Variants in TMEM128 observed in about 807,000 individuals in gnomAD.
The protein encoded by TMEM128 is transmembrane protein 128.
A neutral mutation model predicts 19.7 loss-of-function variants in TMEM128; 16 were observed. That is an observed-to-expected ratio of 0.81 (90% confidence interval 0.55 to 1.23). The LOEUF is 1.23. TMEM128 is among the 50% of genes most tolerant of loss of function. TMEM128 has a pLI of 0.00. For synonymous variants in TMEM128, 98 were observed against 75.8 expected, an observed-to-expected ratio of 1.29 and a Z score of -1.52; for missense variants, 237 against 200.8, an observed-to-expected ratio of 1.18 and a Z score of -1.09.
intron 2 of TMEM128, among the ~76,000 whole-genome samples, chr4:4,241,403 G>A (rs1364329069): frequency 6.6e-6 from 1 of 152,150 alleles, no homozygotes; most frequent in Non-Finnish European, 1.5e-5. Context: ...GAGGCAACCT[G>A]GACAACCCCT....
intron 2 of TMEM128, among the ~76,000 whole-genome samples, chr4:4,241,038 T>C (rs571169274): frequency 3.9e-5 from 6 of 152,232 alleles, no homozygotes; most frequent in East Asian, 1.9e-4. Flanking sequence ...GATGGCGCCA[T>C]TGCACTCCAG....
chr4:4,244,797 A>G (rs1239269982), intron 2 of TMEM128, among the ~76,000 whole-genome samples: 3 of 152,178 alleles, frequency 2.0e-5, no homozygotes, highest in Non-Finnish European at 2.9e-5. Context: ...CAGCAGAAGA[A>G]GGTGCTGAGC....
At chr4:4,247,218 G>C (rs917896973) in intron 1 of TMEM128, among the ~76,000 whole-genome samples, 13 of 152,132 alleles carry the variant, frequency 8.5e-5, no homozygotes, top group African/African-American at 3.1e-4. Context: ...ATGGGGGTTG[G>C]GTCAGATGGA....
At chr4:4,241,003 G>C (rs1053311746) in intron 2 of TMEM128, among the ~76,000 whole-genome samples, 3 of 152,236 alleles carry the variant, frequency 2.0e-5, no homozygotes, top group Admixed American at 6.5e-5. Flanking sequence ...CCTGAACCCA[G>C]GAGGCAGAGA....
At position 4,240,379 on chromosome 4, in the gene TMEM128, C is replaced by T. The variant is rs956816937; in HGVS notation, c.340G>A (p.Val114Ile). 12 of 1,613,994 alleles carry T rather than the reference C, an allele frequency of 7.4e-6. No homozygotes were observed. The highest frequency in any genetic ancestry group is 1.3e-5 in the African/African-American group (1 of 74,908). The change falls in exon 3 of 5, where the codon GTC becomes ATC. Residue 114 changes from valine (V) to isoleucine (I), a missense_variant. Val to Ile is a conservative substitution (Grantham distance 29). Transcript: ENST00000382753. The part of the protein sequence containing the change: ...EWYCGIGEYD[V>I]KYPALIPITT... ...ATGGGTATCAAGGCTGGATACTTGA[C>T]ATCATATTCTCCAATTCCACAATAC...
chr4:4,243,644 C>A (rs992122730), intron 2 of TMEM128, among the ~76,000 whole-genome samples: 1 of 152,176 alleles, frequency 6.6e-6, no homozygotes, highest in Non-Finnish European at 1.5e-5. Context: ...ACTCAAAATC[C>A]TCAGCCTTTG....
intron 2 of TMEM128, among the ~76,000 whole-genome samples, chr4:4,241,072 G>GTTTTT (rs1433212284): frequency 6.6e-6 from 1 of 152,158 alleles, no homozygotes; most frequent in Admixed American, 6.5e-5. Context: ...GGCAACAAGA[G>GTTTTT]TGAAACTCTG....
At chr4:4,241,433 C>T (rs1351043157) in intron 2 of TMEM128, among the ~76,000 whole-genome samples, 1 of 152,198 alleles carries the variant, frequency 6.6e-6, no homozygotes, top group African/African-American at 2.4e-5. Flanking sequence ...CCCAGCTGGA[C>T]TTGGGGACTG....
intron 3 of TMEM128, among the ~76,000 whole-genome samples, chr4:4,239,470 C>A (rs1162120244): frequency 1.3e-5 from 2 of 152,188 alleles, no homozygotes; most frequent in Non-Finnish European, 2.9e-5. Context: ...CTTTGGAAAG[C>A]AGTTTGGCAT....
At chr4:4,243,220 C>T (rs560310369) in intron 2 of TMEM128, among the ~76,000 whole-genome samples, 3 of 152,310 alleles carry the variant, frequency 2.0e-5, no homozygotes, top group Non-Finnish European at 4.4e-5. Flanking sequence ...GCTGGGACTA[C>T]AGGCGCCCGC....
Position 4,247,128 on chromosome 4 carries a change from A to C in TMEM128, c.98-785T>G, listed in dbSNP as rs371855067. 3.9e-5 allele frequency among the ~76,000 whole-genome samples: 6 copies of C among 152,352 alleles called. No individual in the cohort carries two copies. The East Asian group carries it at 7.7e-4, about 20-fold the overall frequency. On this transcript the variant is annotated intron_variant, in intron 1 of 4. Coordinates refer to ENST00000382753, the MANE Select transcript of TMEM128 (RefSeq NM_001297551.2). ...AGTGGAAACGGCACACCAGAGCTCT[A>C]GTTCCAGCACAGCACTGTCTAGACA...
At chr4:4,236,845 C>G (rs1303923273) in intron 4 of TMEM128, among the ~76,000 whole-genome samples, 4 of 152,180 alleles carry the variant, frequency 2.6e-5, no homozygotes, top group African/African-American at 9.7e-5. Context: ...AGCGTATTAA[C>G]TTTTATTTCC....
intron 3 of TMEM128, among the ~76,000 whole-genome samples, chr4:4,238,170 G>A (rs1414855701): frequency 6.6e-6 from 1 of 152,150 alleles, no homozygotes; most frequent in East Asian, 1.9e-4. Flanking sequence ...ACCACTAAAG[G>A]TCTCCTAATA....
chr4:4,242,636 A>C (rs6842708), intron 2 of TMEM128, among the ~76,000 whole-genome samples: 43,466 of 151,654 alleles, frequency 0.29, 7,458 homozygotes, highest in Non-Finnish European at 0.38. Flanking sequence ...CTCCTGCCTC[A>C]GCCTCCTGAG....
At chr4:4,240,277 A>T in intron 3 of TMEM128, 44 bp downstream of exon 3, 1 of 1,598,968 alleles carries the variant, frequency 6.3e-7, no homozygotes, top group Non-Finnish European at 8.5e-7. Context: ...ATCAAAAAAA[A>T]AATTTGTTGT....
At position 4,235,921 on chromosome 4, in the gene TMEM128, T is replaced by C. The variant is rs1346854378; in HGVS notation, c.*345A>G. 2.0e-5 allele frequency: 3 copies of C among 152,572 alleles called. No homozygotes were observed. The highest frequency in any genetic ancestry group is 4.1e-4 in the South Asian group (2 of 4,832). The allele number at this position is 152,572 out of a possible 1,614,324, so 9.5% of individuals were successfully genotyped here. ...ACTCAAACAGATTAACATTGCAAAA[T>C]AGTACTTCTGTATCACTGACTTCTG... On this transcript the variant is annotated 3_prime_UTR_variant, in exon 5 of 5. Transcript: ENST00000382753.
chr4:4,244,299 GA>G (rs915965790), intron 2 of TMEM128, among the ~76,000 whole-genome samples: 1 of 151,922 alleles, frequency 6.6e-6, no homozygotes, highest in Non-Finnish European at 1.5e-5. Flanking sequence ...AACATGAAGA[GA>G]CCTCGTCTCT....
At chr4:4,240,815 T>C (rs4078945) in intron 2 of TMEM128, among the ~76,000 whole-genome samples, 47,137 of 152,220 alleles carry the variant, frequency 0.31, 7,927 homozygotes, top group East Asian at 0.47. Context: ...CAGTGGCTCA[T>C]GCCTATAATC....
In TMEM128 at chr4:4,248,128, G is replaced by A. The variant is rs2272747; in HGVS notation, c.75C>T (p.Asp25=). The A allele has an allele frequency of 0.12, 188,118 of 1,535,416 alleles. 13,051 individuals carry two copies. The highest frequency in any genetic ancestry group is 0.25 in the East Asian group (9,890 of 40,300). Residue 25 remains aspartate (D), a synonymous_variant, in exon 1 of 5, where the codon GAC becomes GAT. Coordinates refer to ENST00000382753, the MANE Select transcript of TMEM128 (RefSeq NM_001297551.2). The stretch of plus-strand genomic sequence containing the variant: ...CACCCGGCCCGGCGTCACCCTCGCG[G>A]TCCAGCTGGGCCTCGGCGTCCGGCA... ...LLLPDAEAQL[D]REGDAGPETS...
Sources: gnomAD v4.1 joint callset for allele counts (sites outside exome capture counted in the v4.1 genomes callset) on GRCh38, gnomAD v4.1.1 for gene constraint, MANE v1.5 for transcripts, NCBI Gene and HGNC (gene_info 2026-07-23, HGNC 2026-07-21) for gene names.